Variants in EPHB1 observed in about 807,000 individuals in gnomAD.
EPHB1 encodes the protein EPH receptor B1.
A neutral mutation model predicts 94.4 loss-of-function variants in EPHB1; 30 were observed. The ratio of observed to expected loss-of-function variants is 0.32; its 90% CI spans 0.24 to 0.43. The LOEUF (loss-of-function observed/expected upper bound fraction) is 0.43, where lower values mean the gene tolerates loss of function less well. Among genes scored for constraint, EPHB1 ranks in the 20% least tolerant of loss-of-function variants. The probability of loss-of-function intolerance (pLI) is 1.00; values close to 1 mark genes in which losing one functional copy is unlikely to be tolerated. For synonymous variants in EPHB1, 522 were observed against 489.1 expected, an observed-to-expected ratio of 1.07 and a Z score of -0.89; for missense variants, 1,055 against 1,308.3, an observed-to-expected ratio of 0.81 and a Z score of 2.99.
At chr3:135,257,788 A>C (rs1262953578) in intron 15 of EPHB1, among the ~76,000 whole-genome samples, 3 of 151,866 alleles carry the variant, frequency 2.0e-5, no homozygotes, top group Non-Finnish European at 4.4e-5. Flanking sequence ...AAGCCTGGGC[A>C]ATGGTGGGCG....
chr3:134,927,114 C>T (rs2038809858), intron 2 of EPHB1, among the ~76,000 whole-genome samples: 2 of 152,280 alleles, frequency 1.3e-5, no homozygotes, highest in African/African-American at 4.8e-5. Context: ...CCTCCTCTGT[C>T]CCAGACCTTC....
At chr3:135,180,889 T>C (rs1302685945) in intron 10 of EPHB1, among the ~76,000 whole-genome samples, 1 of 152,236 alleles carries the variant, frequency 6.6e-6, no homozygotes. Flanking sequence ...TTGTTAGCCA[T>C]TGTCCAAGCT....
rs535757772 is a variant in EPHB1, at chr3:135,240,322, A to G, written c.2347-826A>G. 4.7e-4 allele frequency among the ~76,000 whole-genome samples: 72 copies of G among 152,218 alleles called. 1 individual carries two copies. The South Asian group carries it at 0.014, about 30-fold the overall frequency. Reference sequence around the variant, plus strand: ...TATTGCCTATTTGTTGATGGGATGGATGAATGAGTGGATAGATGTGAATCC... The same window carrying G: ...TATTGCCTATTTGTTGATGGGATGGGTGAATGAGTGGATAGATGTGAATCC... On this transcript the variant is annotated intron_variant, in intron 12 of 15. Coordinates refer to ENST00000398015, the MANE Select transcript of EPHB1 (RefSeq NM_004441.5).
chr3:135,177,358 C>A (rs1016412604), intron 9 of EPHB1, among the ~76,000 whole-genome samples: 1 of 152,210 alleles, frequency 6.6e-6, no homozygotes, highest in African/African-American at 2.4e-5. Flanking sequence ...GCATCTGTTG[C>A]TGCCAGTCGC....
At chr3:134,909,120 G>GTGGGT (rs529788874) in intron 1 of EPHB1, among the ~76,000 whole-genome samples, 1 of 110,574 alleles carries the variant, frequency 9.0e-6, no homozygotes, top group African/African-American at 3.6e-5. Context: ...GGGGGCGGGG[G>GTGGGT]GCGGGCTGGA....
intron 3 of EPHB1, among the ~76,000 whole-genome samples, chr3:134,980,382 T>C (rs1178238696): frequency 6.6e-6 from 1 of 152,168 alleles, no homozygotes; most frequent in South Asian, 2.1e-4. Context: ...AAATCACATA[T>C]GATCACTTCT....
intron 15 of EPHB1, among the ~76,000 whole-genome samples, chr3:135,255,381 G>T (rs1933333079): frequency 6.9e-6 from 1 of 145,714 alleles, no homozygotes. Context: ...TCTACACACT[G>T]CTTTGAATGC....
At chr3:135,102,378 C>G (rs1204343979) in intron 3 of EPHB1, among the ~76,000 whole-genome samples, 1 of 152,174 alleles carries the variant, frequency 6.6e-6, no homozygotes, top group Non-Finnish European at 1.5e-5. Flanking sequence ...AGAAGCCACC[C>G]AGAAGCTTTA....
At chr3:135,106,869 G>A (rs1939239123) in intron 4 of EPHB1, among the ~76,000 whole-genome samples, 1 of 152,112 alleles carries the variant, frequency 6.6e-6, no homozygotes, top group African/African-American at 2.4e-5. Context: ...GATAACTTCT[G>A]TTCATCAGAT....
intron 4 of EPHB1, among the ~76,000 whole-genome samples, chr3:135,124,109 C>A (rs973263965): frequency 6.6e-6 from 1 of 151,784 alleles, no homozygotes; most frequent in Admixed American, 6.5e-5. Flanking sequence ...TGTTATATGG[C>A]AACCATGCTG....
chr3:134,909,381 C>T (rs1457554), intron 1 of EPHB1, among the ~76,000 whole-genome samples: 41,929 of 152,068 alleles, frequency 0.28, 6,911 homozygotes, highest in East Asian at 0.48. Flanking sequence ...GGTGAGCAAG[C>T]GGAGACTGCG....
chr3:135,153,535 T>C (rs1311251054), intron 5 of EPHB1, among the ~76,000 whole-genome samples: 4 of 152,230 alleles, frequency 2.6e-5, no homozygotes, highest in African/African-American at 9.6e-5. Flanking sequence ...TATTGGAAAT[T>C]CCCTCATTTG....
At chr3:134,872,697 A>G (rs1213723390) in intron 1 of EPHB1, among the ~76,000 whole-genome samples, 2 of 152,166 alleles carry the variant, frequency 1.3e-5, no homozygotes, top group Non-Finnish European at 2.9e-5. Flanking sequence ...AGCTCCTTCA[A>G]TGTCTTTCCA....
At chr3:134,882,765 CCTTTCTTT>C (rs1553861896) in intron 1 of EPHB1, among the ~76,000 whole-genome samples, 4 of 79,930 alleles carry the variant, frequency 5.0e-5, no homozygotes, top group Admixed American at 1.4e-4. Context: ...TTCCTTCCTT[CCTTTCTTT>C]CTTTCTTTCT....
At chr3:134,921,678 T>C (rs1388380235) in intron 1 of EPHB1, among the ~76,000 whole-genome samples, 2 of 152,238 alleles carry the variant, frequency 1.3e-5, no homozygotes, top group East Asian at 3.8e-4. Flanking sequence ...ATCGATATCA[T>C]ATAGAATATA....
At chr3:135,171,996 C>T (rs1233097525) in intron 9 of EPHB1, among the ~76,000 whole-genome samples, 2 of 152,172 alleles carry the variant, frequency 1.3e-5, no homozygotes, top group African/African-American at 4.8e-5. Flanking sequence ...GATATATAAA[C>T]AGTGTCTTGA....
intron 3 of EPHB1, among the ~76,000 whole-genome samples, chr3:134,996,599 A>G (rs1002459356): frequency 8.5e-5 from 13 of 152,168 alleles, no homozygotes; most frequent in Admixed American, 3.9e-4. Flanking sequence ...GCAATGCTAT[A>G]CTGATGAGCC....
At chr3:135,250,150 T>C (rs1327481683) in intron 15 of EPHB1, among the ~76,000 whole-genome samples, 1 of 152,206 alleles carries the variant, frequency 6.6e-6, no homozygotes, top group African/African-American at 2.4e-5. Context: ...TTGGGAAATA[T>C]TGTGTACTTT....
At chr3:135,125,029 T>C (rs1258526113) in intron 4 of EPHB1, among the ~76,000 whole-genome samples, 2 of 151,650 alleles carry the variant, frequency 1.3e-5, no homozygotes, top group Non-Finnish European at 2.9e-5. Context: ...ATGTCCCATA[T>C]GTCTGGTATT....
Sources: gnomAD v4.1 joint callset for allele counts (sites outside exome capture counted in the v4.1 genomes callset) on GRCh38, gnomAD v4.1.1 for gene constraint, MANE v1.5 for transcripts, NCBI Gene and HGNC (gene_info 2026-07-23, HGNC 2026-07-21) for gene names.